Variants in ADGRL3 observed in about 807,000 individuals in gnomAD.
ADGRL3 encodes the protein adhesion G protein-coupled receptor L3.
A neutral mutation model predicts 153.5 loss-of-function variants in ADGRL3; 62 were observed. That is an observed-to-expected ratio of 0.40 (90% CI 0.33 to 0.50). The LOEUF (loss-of-function observed/expected upper bound fraction) is 0.50. Among genes scored for constraint, ADGRL3 ranks in the 20% least tolerant of loss-of-function variants. ADGRL3 has a pLI of 0.47. For synonymous variants in ADGRL3, 710 were observed against 672.5 expected (o/e 1.06, Z -0.86); for missense variants, 1,641 against 1,859.4 (o/e 0.88, Z 2.16).
At chr4:61,793,473 C>T (rs777055851) in intron 8 of ADGRL3, among the ~76,000 whole-genome samples, 9 of 151,990 alleles carry the variant, frequency 5.9e-5, no homozygotes, top group Admixed American at 3.3e-4. Flanking sequence ...TTCACTATCA[C>T]GAGAACAGCA....
At chr4:61,259,159 T>C (rs1375472072) in intron 1 of ADGRL3, among the ~76,000 whole-genome samples, 2 of 152,182 alleles carry the variant, frequency 1.3e-5, no homozygotes, top group Non-Finnish European at 2.9e-5. Flanking sequence ...GTGCGGTGGC[T>C]AACGCCTGTA....
chr4:61,749,350 C>T (rs1004342124), intron 8 of ADGRL3, among the ~76,000 whole-genome samples: 1 of 152,068 alleles, frequency 6.6e-6, no homozygotes, highest in Non-Finnish European at 1.5e-5. Context: ...CCCAGGCATC[C>T]CATTACTGGG....
chr4:61,866,158 C>T (rs890382322), intron 9 of ADGRL3, among the ~76,000 whole-genome samples: 11 of 152,190 alleles, frequency 7.2e-5, no homozygotes, highest in African/African-American at 2.7e-4. Context: ...CTTCCTTTCA[C>T]TTTTGTAGTG....
intron 5 of ADGRL3, among the ~76,000 whole-genome samples, chr4:61,643,954 C>T (rs1266621296): frequency 8.0e-6 from 1 of 125,224 alleles, no homozygotes; most frequent in Non-Finnish European, 1.7e-5. Context: ...TTGATTATTG[C>T]CACAATTTCA....
At chr4:61,759,014 G>C (rs6839656) in intron 8 of ADGRL3, among the ~76,000 whole-genome samples, 13,204 of 152,094 alleles carry the variant, frequency 0.087, 1,223 homozygotes, top group African/African-American at 0.23. Flanking sequence ...GGCCCCCACT[G>C]TCTTCTGGCT....
At chr4:61,561,796 A>AATTATT (rs750921007) in intron 4 of ADGRL3, among the ~76,000 whole-genome samples, 3 of 151,546 alleles carry the variant, frequency 2.0e-5, no homozygotes, top group Non-Finnish European at 4.4e-5. Flanking sequence ...TTGACTTTAG[A>AATTATT]ATTATTATTA....
At chr4:61,585,190 C>T (rs930095170) in intron 4 of ADGRL3, among the ~76,000 whole-genome samples, 1 of 151,798 alleles carries the variant, frequency 6.6e-6, no homozygotes, top group Non-Finnish European at 1.5e-5. Context: ...AAATAAAATG[C>T]TGAACACCAA....
At chr4:61,731,519 A>G (rs1248208715) in intron 7 of ADGRL3, among the ~76,000 whole-genome samples, 1 of 152,100 alleles carries the variant, frequency 6.6e-6, no homozygotes, top group African/African-American at 2.4e-5. Context: ...TTTGCTTTGC[A>G]AATATATTAG....
chr4:62,067,932 C>A (rs1199266577), intron 25 of ADGRL3, among the ~76,000 whole-genome samples: 1 of 152,016 alleles, frequency 6.6e-6, no homozygotes, highest in Non-Finnish European at 1.5e-5. Flanking sequence ...TTATTAAAGA[C>A]TCATTATATT....
At chr4:61,927,870 A>G (rs895330576) in intron 13 of ADGRL3, among the ~76,000 whole-genome samples, 9 of 151,996 alleles carry the variant, frequency 5.9e-5, no homozygotes, top group Non-Finnish European at 1.3e-4. Context: ...ATTTCAAATT[A>G]TAAATCAATG....
chr4:61,560,931 TA>T (rs2098792565), intron 4 of ADGRL3, among the ~76,000 whole-genome samples: 1 of 152,144 alleles, frequency 6.6e-6, no homozygotes, highest in African/African-American at 2.4e-5. Flanking sequence ...AAGGTCATGG[TA>T]ACGGGTCGCT....
At chr4:61,667,206 G>C (rs1200855188) in intron 5 of ADGRL3, among the ~76,000 whole-genome samples, 1 of 152,032 alleles carries the variant, frequency 6.6e-6, no homozygotes, top group Non-Finnish European at 1.5e-5. Flanking sequence ...GGAGTATTTG[G>C]AAATTAGACT....
intron 2 of ADGRL3, among the ~76,000 whole-genome samples, chr4:61,462,761 G>T (rs1293072190): frequency 6.6e-6 from 1 of 152,152 alleles, no homozygotes; most frequent in Non-Finnish European, 1.5e-5. Context: ...AGCCTAGCCA[G>T]GCATTACGGT....
intron 8 of ADGRL3, among the ~76,000 whole-genome samples, chr4:61,779,532 G>T (rs1007192728): frequency 1.3e-5 from 2 of 150,532 alleles, no homozygotes; most frequent in Non-Finnish European, 2.9e-5. Flanking sequence ...TACTCAGGAG[G>T]CTGATGCACG....
At chr4:61,259,866 A>G (rs1288505192) in intron 1 of ADGRL3, among the ~76,000 whole-genome samples, 1 of 152,172 alleles carries the variant, frequency 6.6e-6, no homozygotes, top group African/African-American at 2.4e-5. Flanking sequence ...CCTGTGACAT[A>G]TTAGATTTTC....
At chr4:61,365,596 G>C (rs1171260948) in intron 1 of ADGRL3, among the ~76,000 whole-genome samples, 1 of 152,212 alleles carries the variant, frequency 6.6e-6, no homozygotes, top group Non-Finnish European at 1.5e-5. Context: ...CTGAGGCTGG[G>C]GGTATGCCCC....
rs544646153 is a variant in ADGRL3, at chr4:61,344,972, T to C, written c.-239-38152T>C. Among the ~76,000 whole-genome samples the C allele has an allele frequency of 8.0e-3, 1,206 of 150,942 alleles. 10 individuals are homozygous for C. The highest frequency in any genetic ancestry group is 0.013 in the Non-Finnish European group (862 of 67,638). ...TGGCTAATTTTTTTTTTTTTTTGTA[T>C]TTTTTAGTAGAGACAGGGTTTCAGC... is the stretch of plus-strand genomic sequence containing the variant. On this transcript the variant is annotated intron_variant, in intron 1 of 26. Coordinates refer to ENST00000683033, the MANE Select transcript of ADGRL3 (RefSeq NM_001387552.1).
chr4:61,965,039 C>T (rs1560439826), intron 17 of ADGRL3, among the ~76,000 whole-genome samples: 1 of 152,022 alleles, frequency 6.6e-6, no homozygotes, highest in Non-Finnish European at 1.5e-5. Flanking sequence ...CTCACTCTTT[C>T]ACTCAGGCCG....
chr4:61,841,553 A>C (rs1352053261), intron 9 of ADGRL3, among the ~76,000 whole-genome samples: 1 of 152,220 alleles, frequency 6.6e-6, no homozygotes, highest in African/African-American at 2.4e-5. Flanking sequence ...GGGTTAAAGA[A>C]GGCAAAAAGA....
Sources: allele counts gnomAD v4.1 joint callset (sites outside exome capture counted in the v4.1 genomes callset), GRCh38; gene constraint gnomAD v4.1.1; transcripts MANE v1.5; gene names NCBI Gene and HGNC (gene_info 2026-07-23, HGNC 2026-07-21).